Variants in CCDC33 observed in about 807,000 individuals in gnomAD.
CCDC33 encodes the protein coiled-coil domain-containing protein 33.
A neutral mutation model predicts 91.9 loss-of-function variants in CCDC33; 94 were observed. The observed-to-expected ratio is 1.02, with a 90% confidence interval of 0.87 to 1.21. The LOEUF is 1.21. CCDC33 is among the 50% of genes most tolerant of loss of function. The pLI, the probability that CCDC33 is intolerant of heterozygous loss-of-function variation, is 0.00. For synonymous variants in CCDC33, 396 were observed against 374.5 expected, an observed-to-expected ratio of 1.06 and a Z score of -0.66; for missense variants, 940 against 935.5, an observed-to-expected ratio of 1.00 and a Z score of -0.06.
At chr15:74,318,757 C>G (rs974615100) in intron 11 of CCDC33, 1 of 672,982 alleles carries the variant, frequency 1.5e-6, no homozygotes, top group Non-Finnish European at 2.7e-6. Flanking sequence ...TAGAGGTGTT[C>G]CCAGAGCCTC....
chr15:74,289,611 G>A (rs1192082003), intron 10 of CCDC33, among the ~76,000 whole-genome samples: 1 of 152,170 alleles, frequency 6.6e-6, no homozygotes, highest in South Asian at 2.1e-4. Flanking sequence ...CTACTTGGGG[G>A]CGTTGAGGCA....
intron 11 of CCDC33, among the ~76,000 whole-genome samples, chr15:74,310,961 T>A (rs369753540): frequency 6.6e-6 from 1 of 152,282 alleles, no homozygotes; most frequent in Admixed American, 6.5e-5. Context: ...TGGGGTGGCC[T>A]GGAGCCTGGC....
intron 11 of CCDC33, among the ~76,000 whole-genome samples, chr15:74,317,883 GTTTGTTTT>G (rs1567028955): frequency 9.6e-6 from 1 of 104,282 alleles, no homozygotes; most frequent in Non-Finnish European, 2.0e-5. Context: ...GCTTGTTTGG[GTTTGTTTT>G]TTTTTTTTTT....
At chr15:74,259,593 A>G (rs1041546869) in intron 2 of CCDC33, among the ~76,000 whole-genome samples, 4 of 151,638 alleles carry the variant, frequency 2.6e-5, no homozygotes, top group African/African-American at 9.7e-5. Context: ...TGACCTTCAT[A>G]TTAGATGGGG....
chr15:74,245,707 C>G (rs2075504497), intron 2 of CCDC33, among the ~76,000 whole-genome samples: 1 of 151,802 alleles, frequency 6.6e-6, no homozygotes, highest in South Asian at 2.1e-4. Flanking sequence ...CGGGCACACC[C>G]CGAGTCCTCC....
At chr15:74,212,498 C>A, upstream of CCDC33, 1 of 152,436 alleles carries the variant, frequency 6.6e-6, no homozygotes. Flanking sequence ...GTGCTGGAGC[C>A]CGGAGCAGGA....
upstream of CCDC33, among the ~76,000 whole-genome samples, chr15:74,215,730 C>T (rs1365048189): frequency 3.3e-5 from 5 of 151,830 alleles, no homozygotes; most frequent in South Asian, 1.0e-3. Flanking sequence ...GTTAGCCGGG[C>T]GTGGTGGCGC....
intron 11 of CCDC33, among the ~76,000 whole-genome samples, chr15:74,327,800 G>T (rs919408545): frequency 6.6e-6 from 1 of 152,194 alleles, no homozygotes; most frequent in Admixed American, 6.5e-5. Flanking sequence ...CTCACTCCAT[G>T]AGCATGCTCA....
intron 2 of CCDC33, among the ~76,000 whole-genome samples, chr15:74,256,012 G>A (rs866856380): frequency 6.6e-6 from 1 of 152,222 alleles, no homozygotes; most frequent in Non-Finnish European, 1.5e-5. Context: ...ACACCTGCTG[G>A]GCCCCACTTT....
At chr15:74,229,562 A>C (rs79095864) in intron 2 of CCDC33, among the ~76,000 whole-genome samples, 8 of 152,360 alleles carry the variant, frequency 5.3e-5, no homozygotes, top group Non-Finnish European at 8.8e-5. Flanking sequence ...CATTGTGAGG[A>C]CTGAGTTAAC....
chr15:74,262,514 C>T lies in CCDC33; in HGVS notation c.260C>T (p.Ala87Val), dbSNP rs868411207. ...VTSVTSEPTRAPIWGDTVNVE... is the reference protein window; with the variant it reads ...VTSVTSEPTRVPIWGDTVNVE... ...TCTGTGACCTCAGAGCCCACCAGAG[C>T]CCCTATCTGGGGGGACACGGTGAAT... is the stretch of plus-strand genomic sequence containing the variant. Residue 87 changes from alanine (A) to valine (V), a missense_variant, in exon 3 of 19, where the codon GCC becomes GTC. Physicochemically the swap from Ala to Val is moderately conservative, Grantham distance 64. Coordinates refer to ENST00000398814, the MANE Select transcript of CCDC33 (RefSeq NM_025055.5). 3 of 1,613,990 alleles carry T rather than the reference C, an allele frequency of 1.9e-6. No homozygotes were observed. Among genetic ancestry groups the T allele is most frequent in the Non-Finnish European group, 2.5e-6 (3 of 1,179,952 alleles).
At chr15:74,312,878 G>A (rs1236309312) in intron 11 of CCDC33, among the ~76,000 whole-genome samples, 1 of 152,136 alleles carries the variant, frequency 6.6e-6, no homozygotes, top group Non-Finnish European at 1.5e-5. Context: ...AGCTTGGCCT[G>A]GACCCTAGCA....
intron 1 of CCDC33, among the ~76,000 whole-genome samples, chr15:74,208,468 C>A (rs374152187): frequency 3.9e-5 from 6 of 152,144 alleles, no homozygotes; most frequent in Non-Finnish European, 8.8e-5. Flanking sequence ...GGGCAGATCC[C>A]CTGACTTCTC....
At chr15:74,209,230 C>CA in intron 1 of CCDC33, 1 of 1,132,786 alleles carries the variant, frequency 8.8e-7, no homozygotes, top group Non-Finnish European at 1.3e-6. Flanking sequence ...TCCACACCCC[C>CA]AAACCGTTTG....
At chr15:74,234,050 T>C (rs917180109), upstream of CCDC33, among the ~76,000 whole-genome samples, 1 of 152,132 alleles carries the variant, frequency 6.6e-6, no homozygotes, top group Non-Finnish European at 1.5e-5. Flanking sequence ...GCCCCAGACA[T>C]GGCATGAGGA....
Position 74,330,311 on chromosome 15 carries a change from G to A in CCDC33, c.1413G>A (p.Glu471=), listed in dbSNP as rs774966482. 2.5e-6 allele frequency: 4 copies of A among 1,610,116 alleles called. No homozygotes were observed. The Admixed American group carries it at 5.0e-5, about 20-fold the overall frequency. Residue 471 remains glutamate (E), a synonymous_variant, in exon 12 of 19, where the codon GAG becomes GAA. Transcript: ENST00000398814. The part of the protein sequence containing the change: ...RILRSRLAQQ[E]EEEGQGKASE... ...TGAGGAGCCGCCTGGCCCAGCAGGA[G>A]GAGGAAGAGGGGCAGGGCAAAGCCA... is the stretch of plus-strand genomic sequence containing the variant.
In CCDC33 at chr15:74,244,302, C is replaced by CA. The variant is rs529348927; in HGVS notation, c.185+154_185+155insA. On this transcript the variant is annotated intron_variant, in intron 2 of 18. Coordinates refer to ENST00000398814, the MANE Select transcript of CCDC33 (RefSeq NM_025055.5). This position sits in a 1 kb window ranked among gnomAD's most constrained non-coding sequence, Gnocchi z 4.2. ...TGCTGTGGGCACTACCTGGCATCTC[C>CA]GCTGCTGCATGGGAAGCTGCTCACC... is the stretch of plus-strand genomic sequence containing the variant. Among the ~76,000 whole-genome samples the CA allele has an allele frequency of 5.3e-5, 8 of 152,306 alleles. No individual in the cohort carries two copies. In the South Asian group the frequency reaches 1.7e-3, roughly 32 times the overall value.
intron 10 of CCDC33, among the ~76,000 whole-genome samples, chr15:74,291,137 G>A (rs571389221): frequency 4.6e-5 from 7 of 152,206 alleles, no homozygotes; most frequent in Non-Finnish European, 2.9e-5. Flanking sequence ...AGACAGACCC[G>A]GAGCTTCAAA....
intron 5 of CCDC33, 74 bp from the exon 6 acceptor site, chr15:74,271,629 C>A: frequency 9.3e-7 from 1 of 1,074,938 alleles, no homozygotes. Flanking sequence ...AGAGGGTAGG[C>A]AGTCTGGCTG....
Sources: gnomAD v4.1 joint callset for allele counts (sites outside exome capture counted in the v4.1 genomes callset) on GRCh38, gnomAD v4.1.1 for gene constraint, Gnocchi (gnomAD v3.1) non-coding constraint, MANE v1.5 for transcripts, NCBI Gene and HGNC (gene_info 2026-07-23, HGNC 2026-07-21) for gene names.